Variants in KLHL5 observed in about 807,000 individuals in gnomAD.
The protein encoded by KLHL5 is kelch like family member 5.
KLHL5 carries 48 observed loss-of-function variants against 77.7 expected under a neutral mutation model. That is an observed-to-expected ratio of 0.62 (90% CI 0.49 to 0.79). KLHL5 has a LOEUF of 0.79. Ranked by LOEUF, KLHL5 falls within the 30% of genes least tolerant of loss-of-function variation. KLHL5 has a pLI of 0.00. For synonymous variants in KLHL5, 260 were observed against 297.0 expected, an observed-to-expected ratio of 0.88 and a Z score of 1.28; for missense variants, 723 against 859.7, an observed-to-expected ratio of 0.84 and a Z score of 1.99.
intron 6 of KLHL5, among the ~76,000 whole-genome samples, chr4:39,100,456 C>T (rs1312045819): frequency 1.3e-5 from 2 of 152,184 alleles, no homozygotes; most frequent in African/African-American, 2.4e-5. Context: ...GAATAGCATT[C>T]ATTATGTTGT....
chr4:39,057,084 A>G (rs1288896741), intron 1 of KLHL5, among the ~76,000 whole-genome samples: 1 of 152,188 alleles, frequency 6.6e-6, no homozygotes, highest in Non-Finnish European at 1.5e-5. Flanking sequence ...AACTTCAACC[A>G]AATAAAGGAC....
At chr4:39,050,924 C>G (rs1314972924) in intron 1 of KLHL5, among the ~76,000 whole-genome samples, 1 of 152,202 alleles carries the variant, frequency 6.6e-6, no homozygotes, top group Admixed American at 6.5e-5. Flanking sequence ...TCCTTTCATC[C>G]ATCCCTTCTT....
Position 39,062,947 on chromosome 4 carries a change from G to C in KLHL5, c.295G>C (p.Asp99His), listed in dbSNP as rs763830657. 29 of 1,614,178 alleles carry C rather than the reference G, an allele frequency of 1.8e-5. No individual in the cohort carries two copies. Among genetic ancestry groups the C allele is most frequent in the Non-Finnish European group, 2.5e-5 (29 of 1,180,000 alleles). ...EVPAFEFTAE[D>H]CGGAHWLDRP... ...CCCTGCATTTGAGTTTACAGCAGAA[G>C]ATTGTGGCGGTGCACATTGGCTGGA... is the stretch of plus-strand genomic sequence containing the variant. Residue 99 changes from aspartate to histidine, a missense_variant, in exon 1 of 11, where the codon GAT becomes CAT. Transcript: ENST00000504108.
intron 2 of KLHL5, among the ~76,000 whole-genome samples, chr4:39,079,709 C>A (rs1222726562): frequency 6.6e-6 from 1 of 152,130 alleles, no homozygotes; most frequent in African/African-American, 2.4e-5. Flanking sequence ...TCTCCCTACC[C>A]TCTAAATGTA....
At chr4:39,130,912 G>A (rs535699762), downstream of KLHL5, among the ~76,000 whole-genome samples, 28 of 150,154 alleles carry the variant, frequency 1.9e-4, no homozygotes, top group East Asian at 1.4e-3. Context: ...GTGTGATCTC[G>A]GCTCACGGCA....
At position 39,076,039 on chromosome 4, in the gene KLHL5, C is replaced by A. The variant is rs1188019871; in HGVS notation, c.458C>A (p.Ala153Asp). 2 of 1,611,806 alleles carry A rather than the reference C, an allele frequency of 1.2e-6. No homozygotes were observed. The highest frequency in any genetic ancestry group is 1.1e-5 in the South Asian group (1 of 90,548). ...EPCTSDEFFQ[A>D]LNHAEQTFKK... is the part of the protein sequence containing the mutation. ...TGTACATCAGATGAATTTTTCCAAG[C>A]CCTTAATCATGCCGAGCAAACATTT... is the stretch of plus-strand genomic sequence containing the variant. Residue 153 changes from alanine to aspartate, a missense_variant, in exon 2 of 11, where the codon GCC (alanine) becomes GAC (aspartate). Transcript: ENST00000504108.
rs377605169 is a variant in KLHL5 at position 39,119,893 on chromosome 4, A to G, written c.2074-1117A>G. 2.3e-4 allele frequency among the ~76,000 whole-genome samples: 35 copies of G among 150,852 alleles called. 1 individual carries two copies. Among genetic ancestry groups the G allele is most frequent in the African/African-American group, 8.0e-4 (33 of 41,228 alleles). ...ATAAATGATTTTTGAGGTCAGTTCG[A>G]TAATGCTATCAATAAGTATGGTTTT... On this transcript the variant is annotated intron_variant, in intron 10 of 10. Coordinates refer to ENST00000504108, the MANE Select transcript of KLHL5 (RefSeq NM_015990.5).
intron 7 of KLHL5, among the ~76,000 whole-genome samples, chr4:39,104,049 C>T (rs1245875941): frequency 2.0e-5 from 3 of 147,080 alleles, no homozygotes; most frequent in Non-Finnish European, 4.5e-5. Flanking sequence ...TTATACAATA[C>T]TCAATTTATT....
chr4:39,082,723 C>T (rs1030686891), intron 4 of KLHL5, among the ~76,000 whole-genome samples: 3 of 152,112 alleles, frequency 2.0e-5, no homozygotes, highest in African/African-American at 7.2e-5. Flanking sequence ...GTACAACAAA[C>T]CCCCATGATA....
chr4:39,128,293 G>A (rs1233853100), downstream of KLHL5, among the ~76,000 whole-genome samples: 1 of 152,164 alleles, frequency 6.6e-6, no homozygotes, highest in South Asian at 2.1e-4. Context: ...GTATTGGAGT[G>A]TGAGTTTATA....
chr4:39,059,457 G>A (rs1292386460), upstream of KLHL5, among the ~76,000 whole-genome samples: 1 of 152,082 alleles, frequency 6.6e-6, no homozygotes, highest in Non-Finnish European at 1.5e-5. Context: ...AAATTAAAAA[G>A]AGAATATGGC....
intron 1 of KLHL5, among the ~76,000 whole-genome samples, chr4:39,074,072 A>T (rs1031925627): frequency 6.6e-6 from 1 of 152,184 alleles, no homozygotes; most frequent in Non-Finnish European, 1.5e-5. Flanking sequence ...ATAATTACAT[A>T]CTATTCAACC....
In KLHL5 at chr4:39,096,940, A is replaced by G. The variant is rs188408678; in HGVS notation, c.1300+62A>G. 6.0e-6 allele frequency: 8 copies of G among 1,341,954 alleles called. No individual in the cohort carries two copies. In the East Asian group the frequency reaches 1.4e-4, roughly 23 times the overall value. The allele number at this position is 1,341,954 out of a possible 1,614,324, so 83.1% of individuals were successfully genotyped here. On this transcript the variant is annotated intron_variant, in intron 6 of 10. Transcript: ENST00000504108. ...GAGAAAAAGATATTTTAATAAGTGT[A>G]TATATGGCCAAAGAACTCTTTGGAG...
At chr4:39,045,779 A>G (rs1716134287) in intron 1 of KLHL5, among the ~76,000 whole-genome samples, 1 of 152,068 alleles carries the variant, frequency 6.6e-6, no homozygotes. Flanking sequence ...CGACAAGTTC[A>G]CAGAATTCAA....
At chr4:39,068,537 T>G (rs1718115957) in intron 1 of KLHL5, among the ~76,000 whole-genome samples, 1 of 151,794 alleles carries the variant, frequency 6.6e-6, no homozygotes, top group Non-Finnish European at 1.5e-5. Flanking sequence ...TCCATCAAAG[T>G]TCTTAGTTTT....
the KLHL5 span, among the ~76,000 whole-genome samples, chr4:39,141,354 G>C: frequency 1.5e-5 from 2 of 137,228 alleles, no homozygotes; most frequent in African/African-American, 5.5e-5. Context: ...TGTTGCCCAG[G>C]CTGGAGTGCA....
chr4:39,073,832 T>A (rs977630543), intron 1 of KLHL5, among the ~76,000 whole-genome samples: 1 of 148,804 alleles, frequency 6.7e-6, no homozygotes, highest in African/African-American at 2.5e-5. Flanking sequence ...ATTTTTATTT[T>A]TTTTTTTGTA....
At chr4:39,090,698 C>T (rs1442742138) in intron 5 of KLHL5, among the ~76,000 whole-genome samples, 5 of 152,072 alleles carry the variant, frequency 3.3e-5, no homozygotes, top group African/African-American at 1.2e-4. Context: ...ATCCACCCAC[C>T]TCGGCCTCCC....
chr4:39,072,288 A>G (rs1006403), intron 1 of KLHL5, among the ~76,000 whole-genome samples: 115,110 of 151,922 alleles, frequency 0.76, 43,656 homozygotes, highest in East Asian at 0.82. Context: ...AGGGCTGTGC[A>G]TGCATTAGAT....
Sources: gnomAD v4.1 joint callset for allele counts (sites outside exome capture counted in the v4.1 genomes callset) on GRCh38, gnomAD v4.1.1 for gene constraint, MANE v1.5 for transcripts, NCBI Gene and HGNC (gene_info 2026-07-23, HGNC 2026-07-21) for gene names.